Variants in SRPK2 observed in about 807,000 individuals in gnomAD.
SRPK2 encodes SRSF protein kinase 2.
Under a neutral mutation model 90.8 loss-of-function variants are expected in SRPK2, and 21 were observed. The ratio of observed to expected loss-of-function variants is 0.23; its 90% CI spans 0.16 to 0.33. SRPK2 has a LOEUF of 0.33. SRPK2 is among the 10% of genes least tolerant of loss of function. The pLI is 1.00. For synonymous variants in SRPK2, 288 were observed against 311.1 expected (o/e 0.93, Z 0.78); for missense variants, 620 against 869.0 (o/e 0.71, Z 3.60).
chr7:105,312,029 T>G lies in SRPK2; in HGVS notation c.71+76619A>C, dbSNP rs186387392. On this transcript the variant is annotated intron_variant, in intron 2 of 15. Coordinates refer to ENST00000393651, the MANE Select transcript of SRPK2 (RefSeq NM_182692.3). ...AATATTATTCAGTCATAAAAGCAAG[T>G]GAACTTTGACAAATGCTACAACATG... is the stretch of plus-strand genomic sequence containing the variant. 3.9e-5 allele frequency among the ~76,000 whole-genome samples: 6 copies of G among 152,242 alleles called. No homozygotes were observed. In the East Asian group the frequency reaches 9.6e-4, roughly 24 times the overall value.
chr7:105,259,729 C>T (rs532716308), intron 2 of SRPK2, among the ~76,000 whole-genome samples: 2 of 152,294 alleles, frequency 1.3e-5, no homozygotes, highest in East Asian at 1.9e-4. Flanking sequence ...AGAAATACCA[C>T]CACACATCTA....
intron 2 of SRPK2, among the ~76,000 whole-genome samples, chr7:105,283,536 T>C (rs1006316732): frequency 1.3e-5 from 2 of 152,164 alleles, no homozygotes; most frequent in African/African-American, 4.8e-5. Context: ...TATTATATGA[T>C]TTCATGTGTG....
chr7:105,126,492 T>C (rs977643228), intron 14 of SRPK2, 152 bp from the exon 15 acceptor site: 2 of 638,992 alleles, frequency 3.1e-6, no homozygotes, highest in Non-Finnish European at 5.4e-6. Context: ...CTTGTGGGAA[T>C]GGCAGGCCTC....
rs1799634372 is a variant in SRPK2, at chr7:105,116,446, T to TA, written c.*1391dup. On this transcript the variant is annotated 3_prime_UTR_variant, in exon 16 of 16. Transcript: ENST00000393651. ...AGCACCTCAAACAATGGATTATTGT[T>TA]ACAACACTTGTTAGCTTTTCACAAT... The TA allele has an allele frequency of 6.6e-6, 1 of 152,558 alleles. No individual in the cohort carries two copies. The highest frequency in any genetic ancestry group is 1.5e-5 in the Non-Finnish European group (1 of 67,988). 9.5% of individuals were successfully genotyped at this position (152,558 alleles called of 1,614,324 possible). A position where few individuals can be genotyped will look rare whatever the true frequency, so the allele number is the denominator to read the frequency against.
upstream of SRPK2, chr7:105,389,498 A>G: frequency 1.0e-6 from 1 of 960,134 alleles, no homozygotes; most frequent in African/African-American, 1.8e-5. Flanking sequence ...AGTGCCCTCC[A>G]GGATTGCATG....
At chr7:105,229,782 T>A (rs1799198695) in intron 2 of SRPK2, among the ~76,000 whole-genome samples, 1 of 132,874 alleles carries the variant, frequency 7.5e-6, no homozygotes, top group African/African-American at 2.8e-5. Context: ...GAACTTGCAC[T>A]GCTGTGTTCA....
chr7:105,369,161 A>C (rs1353067496), intron 2 of SRPK2, among the ~76,000 whole-genome samples: 6 of 119,352 alleles, frequency 5.0e-5, no homozygotes, highest in African/African-American at 1.1e-4. Flanking sequence ...TATTATTATT[A>C]TTCGAGATAG....
chr7:105,285,402 A>G (rs1236965259), intron 2 of SRPK2, among the ~76,000 whole-genome samples: 39 of 109,924 alleles, frequency 3.5e-4, no homozygotes, highest in African/African-American at 1.1e-3. Context: ...AAAAAAAAAA[A>G]AAAAAGGAAA....
intron 2 of SRPK2, among the ~76,000 whole-genome samples, chr7:105,265,097 T>G (rs1404304999): frequency 6.6e-6 from 1 of 152,176 alleles, no homozygotes; most frequent in Non-Finnish European, 1.5e-5. Context: ...CCATTCCTTC[T>G]ACACACAACA....
At chr7:105,166,572 T>G (rs1195034399) in intron 6 of SRPK2, among the ~76,000 whole-genome samples, 1 of 152,194 alleles carries the variant, frequency 6.6e-6, no homozygotes, top group African/African-American at 2.4e-5. Context: ...AGTGACGAAT[T>G]TACAACAATT....
At chr7:105,246,322 G>T (rs1177098929) in intron 2 of SRPK2, among the ~76,000 whole-genome samples, 1 of 152,096 alleles carries the variant, frequency 6.6e-6, no homozygotes, top group Non-Finnish European at 1.5e-5. Flanking sequence ...AAAGAAAACT[G>T]AATGAAGCAC....
chr7:105,198,859 G>A (rs1032985130), intron 3 of SRPK2, among the ~76,000 whole-genome samples: 27 of 152,028 alleles, frequency 1.8e-4, no homozygotes, highest in Non-Finnish European at 2.4e-4. Flanking sequence ...CCAAGAAGAC[G>A]GAGCTACAAA....
intron 2 of SRPK2, among the ~76,000 whole-genome samples, chr7:105,346,812 T>C (rs1217777204): frequency 2.0e-5 from 3 of 148,416 alleles, no homozygotes; most frequent in African/African-American, 7.5e-5. Context: ...ATTTCACAAC[T>C]CTAGTTACTG....
chr7:105,369,971 G>A (rs1819516087), intron 2 of SRPK2, among the ~76,000 whole-genome samples: 2 of 152,078 alleles, frequency 1.3e-5, no homozygotes, highest in Admixed American at 6.6e-5. Context: ...AGGTTGCAGT[G>A]AGCCAAGATC....
chr7:105,204,647 T>A, intron 2 of SRPK2: 2 of 908,020 alleles, frequency 2.2e-6, no homozygotes, highest in Non-Finnish European at 3.3e-6. Context: ...TTGCCCGACA[T>A]GTGAGTGCCA....
chr7:105,393,033 G>A (rs964200689), upstream of SRPK2, among the ~76,000 whole-genome samples: 9 of 149,806 alleles, frequency 6.0e-5, no homozygotes, highest in Non-Finnish European at 8.9e-5. Context: ...TCGCTCTGTC[G>A]CCCAGGCTGG....
chr7:105,136,572 CTT>C (rs950615882), intron 11 of SRPK2, among the ~76,000 whole-genome samples: 1 of 152,216 alleles, frequency 6.6e-6, no homozygotes, highest in Non-Finnish European at 1.5e-5. Flanking sequence ...ATACGCTAGT[CTT>C]TGGGTGACAC....
intron 2 of SRPK2, among the ~76,000 whole-genome samples, chr7:105,348,512 C>G (rs189880952): frequency 2.6e-5 from 4 of 151,244 alleles, no homozygotes; most frequent in Non-Finnish European, 5.9e-5. Flanking sequence ...GCAACCTCCA[C>G]CTCATGGTTC....
chr7:105,330,090 C>G (rs139183962), intron 2 of SRPK2, among the ~76,000 whole-genome samples: 1,788 of 151,850 alleles, frequency 0.012, 42 homozygotes, highest in African/African-American at 0.041. Flanking sequence ...CACCTGTAAT[C>G]CCAGCACTTT....
Sources: allele counts gnomAD v4.1 joint callset (sites outside exome capture counted in the v4.1 genomes callset), GRCh38; gene constraint gnomAD v4.1.1; transcripts MANE v1.5; gene names NCBI Gene and HGNC (gene_info 2026-07-23, HGNC 2026-07-21).